The following GLB1 variants were observed in gnomAD, a reference collection of about 807,000 sequenced individuals.
The protein encoded by GLB1 is beta-galactosidase.
Under a neutral mutation model 74.0 loss-of-function variants are expected in GLB1, and 56 were observed. The ratio of observed to expected loss-of-function variants is 0.76; its 90% CI spans 0.61 to 0.94. GLB1 has a LOEUF of 0.94. GLB1 is among the 40% of genes least tolerant of loss of function. GLB1 has a pLI of 0.00. For missense variants in GLB1, 787 were observed against 845.5 expected (o/e 0.93, Z 0.86); for synonymous variants, 323 against 323.6 (o/e 1.00, Z 0.02).
At chr3:33,074,389 G>GAAGGAAGAAAGA (rs1553612831) in intron 1 of GLB1, among the ~76,000 whole-genome samples, 7 of 38,912 alleles carry the variant, frequency 1.8e-4, no homozygotes, top group South Asian at 2.5e-3. Context: ...AGGAAGGAAG[G>GAAGGAAGAAAGA]AAGAAAGAAA....
At chr3:32,962,285 T>C in the GLB1 span, among the ~76,000 whole-genome samples, 1 of 152,018 alleles carries the variant, frequency 6.6e-6, no homozygotes, top group African/African-American at 2.4e-5. Flanking sequence ...AAAAAGGACA[T>C]TAGCTAAACA....
At chr3:33,063,349 T>C (rs1282619564) in intron 5 of GLB1, among the ~76,000 whole-genome samples, 3 of 152,190 alleles carry the variant, frequency 2.0e-5, no homozygotes. Context: ...TTTTCTGCTT[T>C]CTTATGTCTA....
the GLB1 span, among the ~76,000 whole-genome samples, chr3:32,978,992 C>A: frequency 1.3e-5 from 1 of 78,262 alleles, no homozygotes; most frequent in Non-Finnish European, 2.6e-5. Flanking sequence ...TTTTTTTTTT[C>A]TGAGATGGAG....
chr3:33,092,015 C>T, intron 1 of GLB1: 3 of 984,856 alleles, frequency 3.0e-6, no homozygotes, highest in Non-Finnish European at 3.6e-6. Context: ...GCCTTGGTTT[C>T]CTTATCTCCA....
downstream of GLB1, among the ~76,000 whole-genome samples, chr3:32,993,704 T>G (rs1289734470): frequency 6.6e-6 from 1 of 151,686 alleles, no homozygotes; most frequent in Non-Finnish European, 1.5e-5. Flanking sequence ...CCGGCTAATT[T>G]TTGTATTTTT....
intron 9 of GLB1, among the ~76,000 whole-genome samples, chr3:33,050,902 T>A (rs1301225167): frequency 1.3e-5 from 2 of 152,232 alleles, no homozygotes; most frequent in Admixed American, 6.5e-5. Flanking sequence ...TTTAAAACAG[T>A]AAGGCTTCTA....
chr3:32,997,929 C>A (rs1404734626), intron 15 of GLB1, among the ~76,000 whole-genome samples: 1 of 152,158 alleles, frequency 6.6e-6, no homozygotes, highest in Non-Finnish European at 1.5e-5. Context: ...CAAAACAACC[C>A]CTCAAGAGGG....
At chr3:33,034,173 C>A in intron 10 of GLB1, 1 of 627,366 alleles carries the variant, frequency 1.6e-6, no homozygotes. Flanking sequence ...GGATATGACT[C>A]CTCCGTGAAC....
chr3:33,012,733 G>A (rs116253009), intron 15 of GLB1, among the ~76,000 whole-genome samples: 2 of 152,112 alleles, frequency 1.3e-5, no homozygotes, highest in Non-Finnish European at 2.9e-5. Context: ...TCAGCAAATG[G>A]TACCATTCTG....
intron 12 of GLB1, among the ~76,000 whole-genome samples, chr3:33,018,960 A>G (rs912101531): frequency 1.3e-5 from 2 of 152,208 alleles, no homozygotes; most frequent in Non-Finnish European, 1.5e-5. Context: ...AAGCCAAGAG[A>G]TGAAGTTCTG....
chr3:32,983,854 AT>A, the GLB1 span, among the ~76,000 whole-genome samples: 16 of 147,340 alleles, frequency 1.1e-4, no homozygotes, highest in African/African-American at 2.2e-4. Context: ...TAATTTTTAA[AT>A]TTTTTTTTTT....
chr3:33,064,802 C>T (rs1202045207), intron 5 of GLB1, among the ~76,000 whole-genome samples: 1 of 86,034 alleles, frequency 1.2e-5, no homozygotes, highest in African/African-American at 4.0e-5. Flanking sequence ...AAAAAAAGAG[C>T]ATCCATGGCA....
rs769972414 is a variant in GLB1, at chr3:33,068,850, G to A, written c.366C>T (p.Pro122=). The A allele has an allele frequency of 2.3e-5, 37 of 1,614,060 alleles. No homozygotes were observed. The highest frequency in any genetic ancestry group is 4.5e-5 in the East Asian group (2 of 44,872). ...CCCACTCTGCACAGATGTAGGGCCC[G>A]GGCCTCAGGATAACCAGCAGTCCCA... is the stretch of plus-strand genomic sequence containing the variant. ...HELGLLVILR[P]GPYICAEWEM... Residue 122 remains proline (P), a synonymous_variant, in exon 3 of 16, where the codon CCC becomes CCT. Coordinates refer to ENST00000307363, the MANE Select transcript of GLB1 (RefSeq NM_000404.4).
chr3:33,060,945 T>C (rs956917454), intron 5 of GLB1, among the ~76,000 whole-genome samples: 4 of 151,968 alleles, frequency 2.6e-5, no homozygotes, highest in Non-Finnish European at 4.4e-5. Context: ...TGTTAGCAGC[T>C]AAGACTCTAC....
At chr3:32,985,808 C>T in the GLB1 span, among the ~76,000 whole-genome samples, 1 of 152,084 alleles carries the variant, frequency 6.6e-6, no homozygotes. Flanking sequence ...CGGCTTCAAG[C>T]GATTGTCATA....
chr3:33,041,581 G>A (rs2125505681), intron 10 of GLB1, among the ~76,000 whole-genome samples: 1 of 151,228 alleles, frequency 6.6e-6, no homozygotes, highest in South Asian at 2.1e-4. Context: ...AGAATCGCTT[G>A]AAGCTGGGAG....
At chr3:32,975,237 A>G in the GLB1 span, among the ~76,000 whole-genome samples, 1 of 152,020 alleles carries the variant, frequency 6.6e-6, no homozygotes, top group African/African-American at 2.4e-5. Context: ...ATACACTACC[A>G]TGCCCATATA....
chr3:33,018,580 A>G lies in GLB1; in HGVS notation c.1234-19T>C. 6.2e-7 allele frequency: 1 copy of G among 1,613,408 alleles called. No individual in the cohort carries two copies. Among genetic ancestry groups the G allele is most frequent in the Non-Finnish European group, 8.5e-7 (1 of 1,179,378 alleles). On this transcript the variant is annotated intron_variant, in intron 12 of 15. Transcript: ENST00000307363. Reference sequence around the variant, plus strand: ...CATAATGCTGGTTAGAAAAGGATTTAAGAAAAATACATCACTATTGCCATT... The same window carrying G: ...CATAATGCTGGTTAGAAAAGGATTTGAGAAAAATACATCACTATTGCCATT...
At chr3:32,971,513 A>G in the GLB1 span, among the ~76,000 whole-genome samples, 6 of 152,250 alleles carry the variant, frequency 3.9e-5, 1 homozygote, top group African/African-American at 1.4e-4. Flanking sequence ...ATGGGGAACC[A>G]GTGGCTGTGG....
Sources: gnomAD v4.1 joint callset for allele counts (sites outside exome capture counted in the v4.1 genomes callset) on GRCh38, gnomAD v4.1.1 for gene constraint, MANE v1.5 for transcripts, NCBI Gene and HGNC (gene_info 2026-07-23, HGNC 2026-07-21) for gene names.